The following GALNT17 variants were observed in gnomAD, a reference collection of about 807,000 sequenced individuals.
GALNT17 encodes polypeptide N-acetylgalactosaminyltransferase 17, also known as UDP-GalNAc:polypeptide N-acetylgalactosaminyltransferase-like 3.
A neutral mutation model predicts 63.7 loss-of-function variants in GALNT17; 29 were observed. That is an observed-to-expected ratio of 0.46 (90% CI 0.34 to 0.62). The LOEUF (loss-of-function observed/expected upper bound fraction) is 0.62, where lower values mean the gene tolerates loss of function less well. Among genes scored for constraint, GALNT17 ranks in the 20% least tolerant of loss-of-function variants. The pLI, the probability that GALNT17 is intolerant of heterozygous loss-of-function variation, is 0.01. For missense variants in GALNT17, 603 were observed against 799.6 expected, an observed-to-expected ratio of 0.75 and a Z score of 2.97; for synonymous variants, 305 against 318.3, an observed-to-expected ratio of 0.96 and a Z score of 0.45.
intron 1 of GALNT17, among the ~76,000 whole-genome samples, chr7:71,271,524 C>T (rs939630999): frequency 4.6e-5 from 7 of 152,184 alleles, no homozygotes; most frequent in African/African-American, 9.6e-5. Flanking sequence ...TCTGAGCTCA[C>T]GGAAATGAAG....
At position 71,562,102 on chromosome 7, in the gene GALNT17, C is replaced by T. The variant is rs142787524; in HGVS notation, c.963-9183C>T. Among the ~76,000 whole-genome samples, 505 of 152,104 alleles carry T rather than the reference C, an allele frequency of 3.3e-3. 3 individuals are homozygous for T. The highest frequency in any genetic ancestry group is 0.011 in the African/African-American group (468 of 41,514). On this transcript the variant is annotated intron_variant, in intron 5 of 10. Coordinates refer to ENST00000333538, the MANE Select transcript of GALNT17 (RefSeq NM_022479.3). ...TCCCAAGTAACTGGGAATACAGGTG[C>T]GCACCACCATGCCTGGTTATTTTTT...
intron 1 of GALNT17, among the ~76,000 whole-genome samples, chr7:71,217,371 A>G (rs1034375508): frequency 3.3e-5 from 5 of 151,404 alleles, no homozygotes; most frequent in South Asian, 2.1e-4. Context: ...CCACTTTTGT[A>G]TTTTAGTCCT....
intron 5 of GALNT17, among the ~76,000 whole-genome samples, chr7:71,511,118 G>T (rs552537862): frequency 1.3e-5 from 2 of 152,230 alleles, no homozygotes; most frequent in South Asian, 4.1e-4. Context: ...GGAGGTCAAG[G>T]CTGCCGTGAG....
intron 5 of GALNT17, among the ~76,000 whole-genome samples, chr7:71,526,041 C>T (rs571907244): frequency 2.6e-5 from 4 of 152,040 alleles, no homozygotes; most frequent in Non-Finnish European, 4.4e-5. Flanking sequence ...CGCCCGGCCT[C>T]GAGTATGTCG....
chr7:71,524,833 G>A (rs572961900), intron 5 of GALNT17, among the ~76,000 whole-genome samples: 38 of 152,178 alleles, frequency 2.5e-4, no homozygotes, highest in African/African-American at 8.7e-4. Context: ...AGAAGTATGT[G>A]GATGGATTCT....
intron 1 of GALNT17, among the ~76,000 whole-genome samples, chr7:71,255,332 G>A (rs550659268): frequency 1.3e-5 from 2 of 152,290 alleles, no homozygotes; most frequent in East Asian, 3.9e-4. Flanking sequence ...CCCTGCACAA[G>A]CTCTCTCTTT....
chr7:71,658,243 A>T (rs923795469), intron 6 of GALNT17, among the ~76,000 whole-genome samples: 1 of 152,178 alleles, frequency 6.6e-6, no homozygotes, highest in Non-Finnish European at 1.5e-5. Flanking sequence ...AGTTGAATGT[A>T]TGAATGAAAC....
intron 1 of GALNT17, among the ~76,000 whole-genome samples, chr7:71,214,469 C>G (rs1362494915): frequency 1.3e-5 from 2 of 152,102 alleles, no homozygotes; most frequent in African/African-American, 2.4e-5. Context: ...TCCTCTTTGA[C>G]AGTTCTGGAA....
chr7:71,377,815 T>C (rs1792773132), intron 2 of GALNT17, among the ~76,000 whole-genome samples: 1 of 152,116 alleles, frequency 6.6e-6, no homozygotes, highest in African/African-American at 2.4e-5. Context: ...TTATAAGTGT[T>C]TGGAAGTCCC....
chr7:71,654,742 A>G (rs1005380276), intron 6 of GALNT17, among the ~76,000 whole-genome samples: 3 of 152,180 alleles, frequency 2.0e-5, no homozygotes, highest in Non-Finnish European at 4.4e-5. Flanking sequence ...GCTTCTGAAA[A>G]TAGATCACAG....
intron 5 of GALNT17, among the ~76,000 whole-genome samples, chr7:71,502,745 A>G (rs182369594): frequency 6.6e-6 from 1 of 152,314 alleles, no homozygotes; most frequent in East Asian, 1.9e-4. Context: ...TCTCAGACTG[A>G]GTAGAACAGA....
intron 3 of GALNT17, among the ~76,000 whole-genome samples, chr7:71,391,445 AGGAATTCCTG>A (rs1442979437): frequency 1.3e-5 from 2 of 152,168 alleles, no homozygotes; most frequent in African/African-American, 4.8e-5. Context: ...GTTGCTATAA[AGGAATTCCTG>A]AGGCTGGGTG....
intron 1 of GALNT17, among the ~76,000 whole-genome samples, chr7:71,183,157 C>T (rs1328909926): frequency 1.3e-5 from 2 of 152,082 alleles, no homozygotes; most frequent in African/African-American, 4.8e-5. Context: ...GAGAGTGACC[C>T]GGTTGCCTTT....
Position 71,318,580 on chromosome 7 carries a change from C to T in GALNT17, c.239-16970C>T, listed in dbSNP as rs572252777. 4.6e-5 allele frequency among the ~76,000 whole-genome samples: 7 copies of T among 152,080 alleles called. No homozygotes were observed. In the East Asian group the frequency reaches 1.4e-3, roughly 30 times the overall value. ...GACTACAGGCATGCACCACCACGCC[C>T]AGCTAAGTTTTTTTTTCTTTTGTAT... On this transcript the variant is annotated intron_variant, in intron 1 of 10. Coordinates refer to ENST00000333538, the MANE Select transcript of GALNT17 (RefSeq NM_022479.3).
chr7:71,135,931 A>G (rs2116143701), intron 1 of GALNT17, among the ~76,000 whole-genome samples: 1 of 152,270 alleles, frequency 6.6e-6, no homozygotes, highest in African/African-American at 2.4e-5. Context: ...AGCAAGGCCA[A>G]GTTGAGAGCT....
rs540664635 is a variant in GALNT17 at position 71,453,886 on chromosome 7, C to A, written c.962+32781C>A. 4.1e-4 allele frequency among the ~76,000 whole-genome samples: 43 copies of A among 103,996 alleles called. 5 individuals are homozygous for A. Among genetic ancestry groups the A allele is most frequent in the East Asian group, 3.2e-3 (15 of 4,686 alleles). The allele number at this position is 103,996 out of a possible 152,430, so 68.2% of individuals were successfully genotyped here. A position where few individuals can be genotyped will look rare whatever the true frequency, so the allele number is the denominator to read the frequency against. ...TGTTTGAGGACATCAGCAGACACTC[C>A]TTTTGGTTCTGGCATTCCAGCTCCC... On this transcript the variant is annotated intron_variant, in intron 5 of 10. Coordinates refer to ENST00000333538, the MANE Select transcript of GALNT17 (RefSeq NM_022479.3).
At chr7:71,599,141 C>T (rs777863275) in intron 6 of GALNT17, among the ~76,000 whole-genome samples, 5 of 151,934 alleles carry the variant, frequency 3.3e-5, no homozygotes, top group Non-Finnish European at 2.9e-5. Flanking sequence ...TCATGGGACA[C>T]CATGAGTCTT....
At chr7:71,615,146 T>C (rs1414542490) in intron 6 of GALNT17, among the ~76,000 whole-genome samples, 4 of 152,170 alleles carry the variant, frequency 2.6e-5, no homozygotes, top group Non-Finnish European at 4.4e-5. Flanking sequence ...GCTGGGGAGA[T>C]GACAAGGCCA....
In GALNT17 at chr7:71,132,673, T is replaced by TGGG; in HGVS notation, c.-129_-127dup. On this transcript the variant is annotated 5_prime_UTR_variant, in exon 1 of 11. Coordinates refer to ENST00000333538, the MANE Select transcript of GALNT17 (RefSeq NM_022479.3). Reference sequence around the variant, plus strand: ...CTCCGCCGCCCGAGCATCCTTGAGGTGGGACGAGCAGGGGCTTGGATCCCT... The same window carrying TGGG: ...CTCCGCCGCCCGAGCATCCTTGAGGTGGGGGGACGAGCAGGGGCTTGGATCCCT... 2.7e-6 allele frequency: 2 copies of TGGG among 728,366 alleles called. No homozygotes were observed. The highest frequency in any genetic ancestry group is 6.2e-5 in the Admixed American group (2 of 32,382). The allele number at this position is 728,366 out of a possible 1,614,324, so 45.1% of individuals were successfully genotyped here.
Sources: allele counts gnomAD v4.1 joint callset (sites outside exome capture counted in the v4.1 genomes callset), GRCh38; gene constraint gnomAD v4.1.1; transcripts MANE v1.5; gene names NCBI Gene and HGNC (gene_info 2026-07-23, HGNC 2026-07-21).